The following NECAB2 variants were observed in gnomAD, a reference collection of about 807,000 sequenced individuals.
NECAB2 encodes N-terminal EF-hand calcium-binding protein 2.
NECAB2 carries 68 observed loss-of-function variants against 51.9 expected under a neutral mutation model. That is an observed-to-expected ratio of 1.31 (90% confidence interval 1.08 to 1.60). The LOEUF is 1.60. Ranked by LOEUF, NECAB2 falls within the 40% of genes most tolerant of loss-of-function variation. The probability of loss-of-function intolerance (pLI) is 0.00; values close to 1 mark genes in which losing one functional copy is unlikely to be tolerated. For synonymous variants in NECAB2, 329 were observed against 203.5 expected (o/e 1.62, Z -5.25); for missense variants, 854 against 490.3 (o/e 1.74, Z -7.00).
chr16:83,968,916 C>G (rs1016894082), intron 1 of NECAB2, 67 bp downstream of exon 1: 1 of 981,694 alleles, frequency 1.0e-6, no homozygotes, highest in Non-Finnish European at 1.2e-6. Flanking sequence ...CTCCGCCCCT[C>G]GGGCGGACCC....
Position 83,992,157 on chromosome 16 carries a change from C to T in NECAB2, c.596+1527C>T, listed in dbSNP as rs559899485. ...AGAGAGGTGTTGAAGACAGTAGTAGCAAGTTGAGAGTTTCTCAGGAGGACT... is the reference window on the plus strand; with the variant it reads ...AGAGAGGTGTTGAAGACAGTAGTAGTAAGTTGAGAGTTTCTCAGGAGGACT... On this transcript the variant is annotated intron_variant, in intron 6 of 12. Coordinates refer to ENST00000305202, the MANE Select transcript of NECAB2 (RefSeq NM_019065.3). 1.2e-4 allele frequency among the ~76,000 whole-genome samples: 18 copies of T among 152,110 alleles called. No homozygotes were observed. In the South Asian group the frequency reaches 2.7e-3, roughly 23 times the overall value.
chr16:84,000,017 G>A lies in NECAB2; in HGVS notation c.963-707G>A, dbSNP rs28615225. 5.3e-3 allele frequency among the ~76,000 whole-genome samples: 799 copies of A among 152,012 alleles called. 2 individuals carry two copies. Among genetic ancestry groups the A allele is most frequent in the African/African-American group, 0.016 (659 of 41,426 alleles). ...GTCTCATGCCTCAGTGTCCTGCATC[G>A]CTGGGATTACAGGGATGTGCCACCA... On this transcript the variant is annotated intron_variant, in intron 10 of 12. Coordinates refer to ENST00000305202, the MANE Select transcript of NECAB2 (RefSeq NM_019065.3).
chr16:84,002,407 GT>G lies in NECAB2; in HGVS notation c.*68del. On this transcript the variant is annotated 3_prime_UTR_variant, in exon 13 of 13. Coordinates refer to ENST00000305202, the MANE Select transcript of NECAB2 (RefSeq NM_019065.3). The stretch of plus-strand genomic sequence containing the variant: ...CCCTTCTTCTTGTGAAGGAAATCCC[GT>G]TTTTTTCTAGACAGACACTTTGGTG... 1 of 1,361,788 alleles carries G rather than the reference GT, an allele frequency of 7.3e-7. No homozygotes were observed. The highest frequency in any genetic ancestry group is 9.7e-7 in the Non-Finnish European group (1 of 1,026,482). 84.4% of individuals were successfully genotyped at this position (1,361,788 alleles called of 1,614,324 possible).
At chr16:83,972,273 C>T (rs1458323716) in intron 2 of NECAB2, 98 bp downstream of exon 2, 2 of 1,559,060 alleles carry the variant, frequency 1.3e-6, no homozygotes, top group Non-Finnish European at 8.8e-7. Flanking sequence ...AACCTTGAAC[C>T]TAAAGGTTTG....
At chr16:83,983,718 G>A (rs2084516735) in intron 5 of NECAB2, among the ~76,000 whole-genome samples, 1 of 152,096 alleles carries the variant, frequency 6.6e-6, no homozygotes, top group Non-Finnish European at 1.5e-5. Flanking sequence ...CTGAGTCCTT[G>A]TCATGAGCCA....
chr16:83,999,584 G>A (rs1289907341), intron 10 of NECAB2, among the ~76,000 whole-genome samples: 1 of 152,098 alleles, frequency 6.6e-6, no homozygotes. Context: ...CTCCTCCCCA[G>A]CTTTTGGCCC....
In NECAB2 at chr16:84,000,832, G is replaced by A. The variant is rs769176859; in HGVS notation, c.1040+31G>A. 8 of 1,400,850 alleles carry A rather than the reference G, an allele frequency of 5.7e-6. No individual in the cohort carries two copies. The Admixed American group carries it at 7.2e-5, about 13-fold the overall frequency. 86.8% of individuals were successfully genotyped at this position (1,400,850 alleles called of 1,614,324 possible). On this transcript the variant is annotated intron_variant, in intron 11 of 12. Coordinates refer to ENST00000305202, the MANE Select transcript of NECAB2 (RefSeq NM_019065.3). Reference sequence around the variant, plus strand: ...ATGCTGGGTCCCCACAGCAGGTGAGGGAGACAGAGGGAAGTGGGGGGGCTG... The same window carrying A: ...ATGCTGGGTCCCCACAGCAGGTGAGAGAGACAGAGGGAAGTGGGGGGGCTG...
chr16:83,986,712 G>C (rs188198263), intron 5 of NECAB2, among the ~76,000 whole-genome samples: 1 of 149,208 alleles, frequency 6.7e-6, no homozygotes, highest in East Asian at 2.0e-4. Flanking sequence ...TAGAGACAGG[G>C]TTTCCCTATT....
At chr16:83,993,106 TC>T (rs1436877065) in intron 6 of NECAB2, among the ~76,000 whole-genome samples, 2 of 151,998 alleles carry the variant, frequency 1.3e-5, no homozygotes, top group Non-Finnish European at 2.9e-5. Flanking sequence ...CCCTCGAACT[TC>T]CCCAAATCTC....
At chr16:83,987,495 G>A (rs772451222) in intron 5 of NECAB2, among the ~76,000 whole-genome samples, 2 of 152,046 alleles carry the variant, frequency 1.3e-5, no homozygotes, top group South Asian at 2.1e-4. Context: ...AATTCAAATC[G>A]CTTCTAATTC....
chr16:83,996,832 C>T (rs1382845525), intron 8 of NECAB2, among the ~76,000 whole-genome samples: 1 of 152,138 alleles, frequency 6.6e-6, no homozygotes, highest in Non-Finnish European at 1.5e-5. Flanking sequence ...AACCATCTAG[C>T]TTAGAGTCTG....
chr16:83,985,088 A>G (rs1165844549), intron 5 of NECAB2, among the ~76,000 whole-genome samples: 2 of 151,980 alleles, frequency 1.3e-5, no homozygotes, highest in African/African-American at 2.4e-5. Context: ...CGGGGCGGGC[A>G]GATCACCTGA....
chr16:83,976,344 C>T (rs764617764), intron 2 of NECAB2, among the ~76,000 whole-genome samples: 2 of 152,242 alleles, frequency 1.3e-5, no homozygotes, highest in Non-Finnish European at 2.9e-5. Context: ...CCTAAGGGCT[C>T]TGTGCCTCAG....
At chr16:83,965,744 C>CT, upstream of NECAB2, 2 of 1,613,572 alleles carry the variant, frequency 1.2e-6, no homozygotes, top group Non-Finnish European at 1.7e-6. Flanking sequence ...TGGGGTCTCC[C>CT]TGGTGCTGGT....
At chr16:83,997,676 AGACG>A (rs2084733430) in intron 9 of NECAB2, among the ~76,000 whole-genome samples, 1 of 150,600 alleles carries the variant, frequency 6.6e-6, no homozygotes, top group Non-Finnish European at 1.5e-5. Context: ...TTTTTAGTAG[AGACG>A]GACAGGGTTT....
chr16:83,986,316 C>G (rs1465780277), intron 5 of NECAB2, among the ~76,000 whole-genome samples: 20 of 152,080 alleles, frequency 1.3e-4, no homozygotes, highest in Non-Finnish European at 2.9e-4. Context: ...TGCGCCCAGC[C>G]CAAAGATTTT....
chr16:83,998,030 C>G (rs933477710), intron 9 of NECAB2, among the ~76,000 whole-genome samples, 175 bp from the exon 10 acceptor site: 1 of 152,112 alleles, frequency 6.6e-6, no homozygotes, highest in Non-Finnish European at 1.5e-5. Context: ...TCTTGAGGTT[C>G]TAGTCCTTTC....
chr16:83,973,111 C>T (rs1472790065), intron 2 of NECAB2, among the ~76,000 whole-genome samples: 2 of 152,182 alleles, frequency 1.3e-5, no homozygotes, highest in Non-Finnish European at 2.9e-5. Flanking sequence ...CCGGTATGTT[C>T]ATTCATTGAG....
intron 10 of NECAB2, among the ~76,000 whole-genome samples, chr16:83,999,685 C>T (rs1472992): frequency 3.9e-5 from 6 of 151,904 alleles, no homozygotes; most frequent in Admixed American, 6.6e-5. Flanking sequence ...TTTAAAATGA[C>T]GTGAGTGCGG....
Sources: gnomAD v4.1 joint callset for allele counts (sites outside exome capture counted in the v4.1 genomes callset) on GRCh38, gnomAD v4.1.1 for gene constraint, MANE v1.5 for transcripts, NCBI Gene and HGNC (gene_info 2026-07-23, HGNC 2026-07-21) for gene names.